The following NLGN1 variants were observed in gnomAD, a reference collection of about 807,000 sequenced individuals.
NLGN1 encodes neuroligin-1.
NLGN1 carries 12 observed loss-of-function variants against 65.5 expected under a neutral mutation model. The ratio of observed to expected loss-of-function variants is 0.18; its 90% CI spans 0.12 to 0.30. NLGN1 has a LOEUF of 0.30. Ranked by LOEUF, NLGN1 falls within the 10% of genes least tolerant of loss-of-function variation. The pLI, the probability that NLGN1 is intolerant of heterozygous loss-of-function variation, is 1.00. For synonymous variants in NLGN1, 350 were observed against 359.5 expected (o/e 0.97, Z 0.30); for missense variants, 750 against 1,007.1 (o/e 0.74, Z 3.46).
At chr3:174,277,875 CTG>C (rs199664489) in intron 5 of NLGN1, among the ~76,000 whole-genome samples, 3,080 of 151,668 alleles carry the variant, frequency 0.02, 66 homozygotes, top group Middle Eastern at 0.082. Flanking sequence ...TTTTAAATAA[CTG>C]AAGCACAAAG....
intron 4 of NLGN1, among the ~76,000 whole-genome samples, chr3:174,071,705 G>A (rs1471857684): frequency 3.6e-5 from 5 of 139,568 alleles, no homozygotes; most frequent in Non-Finnish European, 6.1e-5. Flanking sequence ...GACCCTTTGC[G>A]AGACCCTGTC....
At chr3:173,515,334 ATTAAG>A (rs1349382597) in intron 2 of NLGN1, among the ~76,000 whole-genome samples, 1 of 152,106 alleles carries the variant, frequency 6.6e-6, no homozygotes. Context: ...CCATTTTTAA[ATTAAG>A]TTATTACTTA....
At chr3:173,617,969 T>C (rs1753381085) in intron 3 of NLGN1, among the ~76,000 whole-genome samples, 1 of 152,204 alleles carries the variant, frequency 6.6e-6, no homozygotes, top group South Asian at 2.1e-4. Flanking sequence ...ATAGGACTTC[T>C]TGCTAACGTT....
intron 2 of NLGN1, among the ~76,000 whole-genome samples, chr3:173,590,576 C>T (rs944569469): frequency 6.6e-6 from 1 of 152,086 alleles, no homozygotes; most frequent in Admixed American, 6.5e-5. Flanking sequence ...TGGTACATAA[C>T]TGGAAATCAA....
intron 4 of NLGN1, among the ~76,000 whole-genome samples, chr3:174,233,411 G>A (rs912369739): frequency 1.3e-5 from 2 of 151,788 alleles, no homozygotes; most frequent in African/African-American, 2.4e-5. Flanking sequence ...GCTTGAACCC[G>A]GGAGGCAGAG....
chr3:174,286,912 A>G (rs941466824), downstream of NLGN1, among the ~76,000 whole-genome samples: 1 of 151,514 alleles, frequency 6.6e-6, no homozygotes, highest in Non-Finnish European at 1.5e-5. Flanking sequence ...AAAAGAATGG[A>G]AAAAGGAGGA....
At chr3:174,105,509 A>C (rs1277040974) in intron 4 of NLGN1, among the ~76,000 whole-genome samples, 2 of 152,054 alleles carry the variant, frequency 1.3e-5, no homozygotes, top group Admixed American at 1.3e-4. Context: ...AGGCCACTGC[A>C]CTCCATCCTG....
intron 2 of NLGN1, among the ~76,000 whole-genome samples, chr3:173,591,610 C>T (rs1210871772): frequency 1.3e-5 from 2 of 152,192 alleles, no homozygotes; most frequent in Non-Finnish European, 2.9e-5. Flanking sequence ...AAGATTGACA[C>T]ACCCTGGCAC....
intron 3 of NLGN1, among the ~76,000 whole-genome samples, chr3:173,757,386 A>G (rs184379977): frequency 2.6e-4 from 39 of 152,198 alleles, no homozygotes; most frequent in Non-Finnish European, 4.9e-4. Flanking sequence ...TTGTACCTGA[A>G]TCTAATCATG....
intron 4 of NLGN1, among the ~76,000 whole-genome samples, chr3:173,948,273 A>G (rs1466749729): frequency 6.6e-6 from 1 of 152,232 alleles, no homozygotes; most frequent in Non-Finnish European, 1.5e-5. Flanking sequence ...AATTAAATGA[A>G]ATAAGAAATG....
In NLGN1 at chr3:173,526,069, ATTC is replaced by A. The variant is rs1474081307; in HGVS notation, c.-320-78208_-320-78206del. On this transcript the variant is annotated intron_variant, in intron 2 of 6. Coordinates refer to ENST00000457714, the Ensembl canonical transcript of NLGN1. The stretch of plus-strand genomic sequence containing the variant: ...CCATGCACAAATGAGCAAAATGTAT[ATTC>A]TGTTGTTGTTGGGGAGAATGTTCTG... 1.3e-4 allele frequency among the ~76,000 whole-genome samples: 20 copies of A among 152,238 alleles called. No individual in the cohort carries two copies. In the East Asian group the frequency reaches 3.7e-3, roughly 28 times the overall value.
chr3:173,707,226 T>C (rs1338658858), intron 3 of NLGN1, among the ~76,000 whole-genome samples: 1 of 152,192 alleles, frequency 6.6e-6, no homozygotes, highest in Non-Finnish European at 1.5e-5. Flanking sequence ...TGTGTACATA[T>C]GGATTTCCAT....
rs144770162 is a variant in NLGN1, at chr3:174,035,358, A to G, written c.646+227526A>G. Among the ~76,000 whole-genome samples the G allele has an allele frequency of 1.3e-4, 20 of 152,296 alleles. No individual in the cohort carries two copies. In the East Asian group the frequency reaches 3.9e-3, roughly 29 times the overall value. ...TCATTGATTATTGTCATATAAGCCT[A>G]TTCAAAACTGCTGACACTGTTGCTG... On this transcript the variant is annotated intron_variant, in intron 4 of 6. Coordinates refer to ENST00000457714, the Ensembl canonical transcript of NLGN1.
intron 2 of NLGN1, among the ~76,000 whole-genome samples, chr3:173,479,294 AAT>A (rs202151520): frequency 9.1e-6 from 1 of 110,448 alleles, no homozygotes; most frequent in East Asian, 6.6e-4. Context: ...GAAGTAAGAA[AAT>A]AAAAGAGTGA....
intron 2 of NLGN1, among the ~76,000 whole-genome samples, chr3:173,600,587 C>T (rs1241402029): frequency 6.3e-5 from 1 of 15,898 alleles, no homozygotes; most frequent in African/African-American, 1.0e-4. Flanking sequence ...GAAATAAAAA[C>T]ATATCTTTTT....
intron 2 of NLGN1, among the ~76,000 whole-genome samples, chr3:173,438,694 A>G (rs1038178898): frequency 6.6e-6 from 1 of 152,154 alleles, no homozygotes; most frequent in Non-Finnish European, 1.5e-5. Flanking sequence ...ATAGTCTCTC[A>G]CACGTTTCAA....
chr3:174,117,185 A>G (rs2152634219), intron 4 of NLGN1, among the ~76,000 whole-genome samples: 1 of 151,852 alleles, frequency 6.6e-6, no homozygotes. Flanking sequence ...CATTCCCTTC[A>G]ATTACATTAT....
intron 3 of NLGN1, among the ~76,000 whole-genome samples, chr3:173,640,851 C>A (rs1325989402): frequency 6.6e-6 from 1 of 152,126 alleles, no homozygotes; most frequent in Non-Finnish European, 1.5e-5. Flanking sequence ...AGATTAAACA[C>A]TTTGGCAAGA....
At chr3:174,241,558 A>G (rs913885389) in intron 4 of NLGN1, among the ~76,000 whole-genome samples, 2 of 152,016 alleles carry the variant, frequency 1.3e-5, no homozygotes, top group Non-Finnish European at 2.9e-5. Flanking sequence ...GAAGAACAAA[A>G]TCAACACAGT....
Sources: allele counts gnomAD v4.1 joint callset (sites outside exome capture counted in the v4.1 genomes callset), GRCh38; gene constraint gnomAD v4.1.1; transcripts MANE v1.5; gene names NCBI Gene and HGNC (gene_info 2026-07-23, HGNC 2026-07-21).